The following KIFAP3 variants were observed in gnomAD, a reference collection of about 807,000 sequenced individuals.
KIFAP3 encodes kinesin-associated protein 3.
A neutral mutation model predicts 106.5 loss-of-function variants in KIFAP3; 68 were observed. That is an observed-to-expected ratio of 0.64 (90% CI 0.53 to 0.78). KIFAP3 has a LOEUF of 0.78. Ranked by LOEUF, KIFAP3 falls within the 30% of genes least tolerant of loss-of-function variation. The pLI is 0.00. For synonymous variants in KIFAP3, 320 were observed against 311.5 expected (o/e 1.03, Z -0.29); for missense variants, 780 against 941.8 (o/e 0.83, Z 2.25).
intron 3 of KIFAP3, among the ~76,000 whole-genome samples, chr1:170,040,605 A>G (rs1571715248): frequency 6.6e-6 from 1 of 152,146 alleles, no homozygotes; most frequent in Admixed American, 6.5e-5. Flanking sequence ...TACAACCTAC[A>G]ATAAGTAGAC....
At chr1:169,948,065 G>A (rs183695770) in intron 19 of KIFAP3, among the ~76,000 whole-genome samples, 85 of 151,524 alleles carry the variant, frequency 5.6e-4, no homozygotes, top group Non-Finnish European at 8.4e-4. Context: ...TTATTTATCA[G>A]TCTTTATGTT....
At chr1:169,940,911 A>G (rs1468671166) in intron 19 of KIFAP3, among the ~76,000 whole-genome samples, 5 of 148,024 alleles carry the variant, frequency 3.4e-5, no homozygotes, top group East Asian at 2.0e-4. Flanking sequence ...TTTAAGAATT[A>G]TGTGTGTGTG....
intron 10 of KIFAP3, among the ~76,000 whole-genome samples, chr1:170,014,743 G>A (rs1436429346): frequency 2.0e-5 from 3 of 152,064 alleles, no homozygotes; most frequent in Non-Finnish European, 4.4e-5. Flanking sequence ...CACGAGAAAC[G>A]TATTTGTACT....
chr1:170,048,859 T>G (rs1670417945), intron 2 of KIFAP3, among the ~76,000 whole-genome samples: 1 of 152,114 alleles, frequency 6.6e-6, no homozygotes, highest in Non-Finnish European at 1.5e-5. Flanking sequence ...TTGGTGAGCC[T>G]ATAACACCTG....
intron 17 of KIFAP3, among the ~76,000 whole-genome samples, chr1:169,962,429 G>C (rs1195548784): frequency 2.0e-5 from 3 of 152,116 alleles, no homozygotes; most frequent in Non-Finnish European, 4.4e-5. Flanking sequence ...ATGGACAGCA[G>C]AAATGATAGC....
intron 1 of KIFAP3, among the ~76,000 whole-genome samples, chr1:170,061,323 T>A (rs1001360439): frequency 5.0e-5 from 7 of 140,338 alleles, no homozygotes; most frequent in Non-Finnish European, 1.1e-4. Context: ...CAAGAAAAAA[T>A]CAAACAACCC....
chr1:169,995,091 C>A (rs1279841773), intron 10 of KIFAP3, among the ~76,000 whole-genome samples: 1 of 151,986 alleles, frequency 6.6e-6, no homozygotes, highest in East Asian at 1.9e-4. Flanking sequence ...GAGTTTGGAG[C>A]AATCTAAATA....
intron 11 of KIFAP3, among the ~76,000 whole-genome samples, chr1:169,991,213 G>GGTGCA (rs1384286944): frequency 6.6e-6 from 1 of 151,998 alleles, no homozygotes; most frequent in East Asian, 1.9e-4. Flanking sequence ...CAGTCATGGT[G>GGTGCA]GTGCACACCT....
At chr1:170,003,023 T>G (rs1331492900) in intron 10 of KIFAP3, among the ~76,000 whole-genome samples, 1 of 152,216 alleles carries the variant, frequency 6.6e-6, no homozygotes, top group African/African-American at 2.4e-5. Context: ...ATTTGAACAG[T>G]GGTTCTCAAA....
chr1:169,929,207 A>G (rs1301329380), intron 19 of KIFAP3, among the ~76,000 whole-genome samples: 1 of 152,200 alleles, frequency 6.6e-6, no homozygotes, highest in East Asian at 1.9e-4. Flanking sequence ...AGAATGTGGC[A>G]TCCATTGCTG....
At chr1:170,020,817 C>G (rs902192143) in intron 9 of KIFAP3, among the ~76,000 whole-genome samples, 8 of 152,126 alleles carry the variant, frequency 5.3e-5, no homozygotes, top group African/African-American at 1.9e-4. Flanking sequence ...AAATCTTGGT[C>G]CATATCTTGT....
rs1264530457 is a variant in KIFAP3, at chr1:169,978,098, T to A, written c.1884A>T (p.Ile628=). 6.2e-7 allele frequency: 1 copy of A among 1,604,256 alleles called. No individual in the cohort carries two copies. The part of the protein sequence containing the change: ...MVFHQATRDV[I]IKETQAPAYL... The stretch of plus-strand genomic sequence containing the variant: ...CTGAAAGGATACGTGTTTCCTTGAT[T>A]ATGACGTCTCTTGTGGCTTGGTGGA... Residue 628 remains isoleucine (I), a synonymous_variant, in exon 16 of 20, where the codon ATA becomes ATT. Transcript: ENST00000361580.
At chr1:169,923,629 T>C (rs536311189) in intron 19 of KIFAP3, among the ~76,000 whole-genome samples, 1 of 152,324 alleles carries the variant, frequency 6.6e-6, no homozygotes, top group African/African-American at 2.4e-5. Flanking sequence ...TGTTTCTCAA[T>C]CTAGGGGCTA....
intron 1 of KIFAP3, among the ~76,000 whole-genome samples, chr1:170,066,673 G>C (rs954448236): frequency 1.2e-4 from 18 of 152,156 alleles, no homozygotes; most frequent in Admixed American, 6.5e-4. Context: ...CATGAGGCTA[G>C]AGACACAAAA....
At chr1:170,042,980 G>A (rs1219623272) in intron 3 of KIFAP3, among the ~76,000 whole-genome samples, 1 of 152,080 alleles carries the variant, frequency 6.6e-6, no homozygotes, top group Non-Finnish European at 1.5e-5. Context: ...TTTCATATTA[G>A]TTTGCATTTC....
chr1:169,985,766 T>C (rs894022709), intron 11 of KIFAP3, among the ~76,000 whole-genome samples: 1 of 151,558 alleles, frequency 6.6e-6, no homozygotes, highest in Admixed American at 6.6e-5. Flanking sequence ...GAAAAAAACA[T>C]TTTTAGTGAT....
intron 16 of KIFAP3, among the ~76,000 whole-genome samples, chr1:169,973,123 A>ATATATATATATATATATATATAT (rs1553278139): frequency 5.4e-4 from 70 of 128,488 alleles, no homozygotes; most frequent in South Asian, 1.1e-3. Context: ...ATATATATAT[A>ATATATATATATATATATATATAT]AACAACACAA....
chr1:169,942,030 G>A (rs626006), intron 19 of KIFAP3, among the ~76,000 whole-genome samples: 142,370 of 152,238 alleles, frequency 0.94, 66,659 homozygotes, highest in East Asian at 0.99. Flanking sequence ...GGTATAGTGT[G>A]TGTTAACAAC....
chr1:169,942,285 C>A (rs147776433), intron 19 of KIFAP3, among the ~76,000 whole-genome samples: 2,098 of 152,214 alleles, frequency 0.014, 114 homozygotes, highest in Admixed American at 0.093. Context: ...GAAAAAAAGG[C>A]TTGGTCTTTA....
Sources: allele counts gnomAD v4.1 joint callset (sites outside exome capture counted in the v4.1 genomes callset), GRCh38; gene constraint gnomAD v4.1.1; transcripts MANE v1.5; gene names NCBI Gene and HGNC (gene_info 2026-07-23, HGNC 2026-07-21).